CEP20: variants seen among roughly 807,000 people sequenced by gnomAD.
The protein encoded by CEP20 is FGFR1OP N-terminal like.
CEP20 carries 18 observed loss-of-function variants against 20.0 expected under a neutral mutation model. The observed-to-expected ratio is 0.90, with a 90% CI of 0.62 to 1.34. The LOEUF is 1.34. CEP20 is among the 40% of genes most tolerant of loss of function. CEP20 has a pLI of 0.00. For synonymous variants in CEP20, 77 were observed against 73.7 expected (o/e 1.04, Z -0.23); for missense variants, 215 against 201.6 (o/e 1.07, Z -0.40).
At chr16:15,877,279 AC>A (rs1174243073) in intron 3 of CEP20, 1 of 152,396 alleles carries the variant, frequency 6.6e-6, no homozygotes, top group African/African-American at 2.4e-5. Context: ...ACTTCTTAAT[AC>A]TTTCATCTGA....
chr16:15,871,690 T>C (rs35011320), intron 4 of CEP20, among the ~76,000 whole-genome samples: 10,133 of 152,248 alleles, frequency 0.067, 457 homozygotes, highest in East Asian at 0.22. Flanking sequence ...CTTAAAGTTT[T>C]CTCAACTATG....
At chr16:15,883,842 C>T (rs1352377336) in intron 2 of CEP20, among the ~76,000 whole-genome samples, 166 bp downstream of exon 2, 1 of 152,118 alleles carries the variant, frequency 6.6e-6, no homozygotes, top group African/African-American at 2.4e-5. Flanking sequence ...TGTATTTTCT[C>T]TTGTAAGAAT....
In CEP20 at chr16:15,888,595, G is replaced by C; in HGVS notation, c.-10C>G. The C allele has an allele frequency of 3.1e-6, 5 of 1,613,920 alleles. No homozygotes were observed. The highest frequency in any genetic ancestry group is 1.7e-5 in the Admixed American group (1 of 60,024). On this transcript the variant is annotated 5_prime_UTR_variant, in exon 1 of 5. Coordinates refer to ENST00000255759, the MANE Select transcript of CEP20 (RefSeq NM_144600.4). The stretch of plus-strand genomic sequence containing the variant: ...CTGCCACAGTCGCCATTTTTCAACG[G>C]CCGCCAGGGCCGCACCGCGGCCCTG...
chr16:15,887,214 C>G (rs113877300), intron 1 of CEP20, among the ~76,000 whole-genome samples: 1 of 152,102 alleles, frequency 6.6e-6, no homozygotes, highest in African/African-American at 2.4e-5. Flanking sequence ...ACCTTTAAAT[C>G]CTCTGAAAAT....
At chr16:15,879,920 T>C (rs1197412118) in intron 2 of CEP20, 32 bp from the exon 3 acceptor site, 1 of 1,401,774 alleles carries the variant, frequency 7.1e-7, no homozygotes, top group African/African-American at 1.5e-5. Flanking sequence ...GAACACTCAG[T>C]CTATTAAACT....
At chr16:15,876,988 G>C (rs1369861229) in intron 3 of CEP20, among the ~76,000 whole-genome samples, 2 of 151,992 alleles carry the variant, frequency 1.3e-5, no homozygotes, top group Non-Finnish European at 2.9e-5. Context: ...AAGTAGCTGG[G>C]ACTACAGGCA....
intron 4 of CEP20, among the ~76,000 whole-genome samples, chr16:15,869,595 G>A (rs1227032891): frequency 6.6e-6 from 1 of 152,142 alleles, no homozygotes; most frequent in African/African-American, 2.4e-5. Context: ...ACAGGGGTGA[G>A]CTGCCGTGGC....
intron 4 of CEP20, among the ~76,000 whole-genome samples, chr16:15,869,467 C>T (rs190705853): frequency 1.3e-5 from 2 of 152,134 alleles, no homozygotes; most frequent in East Asian, 1.9e-4. Flanking sequence ...TACACCACCA[C>T]GTCCAGCTAA....
intron 2 of CEP20, among the ~76,000 whole-genome samples, chr16:15,881,666 C>G (rs936746691): frequency 2.0e-5 from 3 of 151,964 alleles, no homozygotes; most frequent in African/African-American, 7.3e-5. Flanking sequence ...CCCCACCCCA[C>G]CAAGTCCAGG....
At chr16:15,882,814 T>C (rs1431535782) in intron 2 of CEP20, 3 of 143,082 alleles carry the variant, frequency 2.1e-5, no homozygotes, top group Non-Finnish European at 3.1e-5. Context: ...AATAGACATA[T>C]ATCTACATAT....
At position 15,882,738 on chromosome 16, in the gene CEP20, T is replaced by TCTATCTATCTAC. The variant is rs1174406640; in HGVS notation, c.226+1269_226+1270insGTAGATAGATAG. Among the ~76,000 whole-genome samples the TCTATCTATCTAC allele has an allele frequency of 1.7e-3, 159 of 92,144 alleles. 1 individual carries two copies. The highest frequency in any genetic ancestry group is 0.012 in the Middle Eastern group (2 of 170). The allele number at this position is 92,144 out of a possible 152,430, so 60.5% of individuals were successfully genotyped here. A position where few individuals can be genotyped will look rare whatever the true frequency, so the allele number is the denominator to read the frequency against. On this transcript the variant is annotated intron_variant, in intron 2 of 4. Transcript: ENST00000255759. ...CAAAGTTTTATCTCCATTATATCTA[T>TCTATCTATCTAC]CTATCTATCTATCTATCTATCTATC...
Position 15,873,379 on chromosome 16 carries a change from T to A in CEP20, c.448+112A>T, listed in dbSNP as rs8056910. ...TAACATAGGCTAGACATATTAGATA[T>A]AAGCAGAATTAAACTATGACTCAAA... is the stretch of plus-strand genomic sequence containing the variant. On this transcript the variant is annotated intron_variant, in intron 4 of 4. Coordinates refer to ENST00000255759, the MANE Select transcript of CEP20 (RefSeq NM_144600.4). 3.2e-6 allele frequency: 4 copies of A among 1,257,728 alleles called. No individual in the cohort carries two copies. The South Asian group carries it at 4.9e-5, about 16-fold the overall frequency. The allele number at this position is 1,257,728 out of a possible 1,614,324, so 77.9% of individuals were successfully genotyped here.
Position 15,869,714 on chromosome 16 carries a change from T to C in CEP20, c.449-2198A>G, listed in dbSNP as rs139401149. On this transcript the variant is annotated intron_variant, in intron 4 of 4. Coordinates refer to ENST00000255759, the MANE Select transcript of CEP20 (RefSeq NM_144600.4). ...GTGCTGTGATGTAGAATAAGGATTTTAGTATCTTCATAACCTTTTCAATGC... is the reference window on the plus strand; with the variant it reads ...GTGCTGTGATGTAGAATAAGGATTTCAGTATCTTCATAACCTTTTCAATGC... Among the ~76,000 whole-genome samples the C allele has an allele frequency of 5.8e-3, 878 of 152,260 alleles. 10 individuals are homozygous for C. Among genetic ancestry groups the C allele is most frequent in the African/African-American group, 0.02 (843 of 41,536 alleles).
rs538853674 is a variant in CEP20, at chr16:15,875,456, G to T, written c.312-1829C>A. On this transcript the variant is annotated intron_variant, in intron 3 of 4. Transcript: ENST00000255759. ...CTCAAACAGGAGTTTGAGACAGCCT[G>T]AACAACATAGCGAGTCCCCTAGCTC... 3.3e-5 allele frequency among the ~76,000 whole-genome samples: 5 copies of T among 152,118 alleles called. No homozygotes were observed. The East Asian group carries it at 9.7e-4, about 30-fold the overall frequency.
At chr16:15,875,928 G>A (rs1338005720) in intron 3 of CEP20, among the ~76,000 whole-genome samples, 7 of 151,540 alleles carry the variant, frequency 4.6e-5, no homozygotes, top group South Asian at 2.1e-4. Flanking sequence ...GAGAAACCCC[G>A]TATCTACTAA....
chr16:15,866,417 G>A lies in CEP20; in HGVS notation c.*1023C>T, dbSNP rs1238512666. ...TATACCATCGAACTTTTGCCAATCA[G>A]GAGCTGTCTATCATCATAGTCAGTT... On this transcript the variant is annotated 3_prime_UTR_variant, in exon 5 of 5. Coordinates refer to ENST00000255759, the MANE Select transcript of CEP20 (RefSeq NM_144600.4). 6.6e-6 allele frequency: 1 copy of A among 152,172 alleles called. No homozygotes were observed. Among genetic ancestry groups the A allele is most frequent in the Non-Finnish European group, 1.5e-5 (1 of 68,028 alleles). 9.4% of individuals were successfully genotyped at this position (152,172 alleles called of 1,614,324 possible). A position where few individuals can be genotyped will look rare whatever the true frequency, so the allele number is the denominator to read the frequency against.
chr16:15,867,798 C>A (rs1221716404), intron 4 of CEP20, among the ~76,000 whole-genome samples: 2 of 151,816 alleles, frequency 1.3e-5, no homozygotes, highest in East Asian at 3.9e-4. Flanking sequence ...CATGGTGAAA[C>A]CCCGTGTCTC....
At chr16:15,869,128 T>C (rs1481989776) in intron 4 of CEP20, among the ~76,000 whole-genome samples, 1 of 151,174 alleles carries the variant, frequency 6.6e-6, no homozygotes, top group African/African-American at 2.4e-5. Flanking sequence ...TAAAGTTGAA[T>C]AGCAAAAACT....
intron 4 of CEP20, 125 bp from the exon 5 acceptor site, chr16:15,867,641 G>T: frequency 1.7e-6 from 1 of 593,236 alleles, no homozygotes; most frequent in Non-Finnish European, 2.8e-6. Flanking sequence ...AGATGGTTTA[G>T]GACAATGAAA....
Sources: gnomAD v4.1 joint callset for allele counts (sites outside exome capture counted in the v4.1 genomes callset) on GRCh38, gnomAD v4.1.1 for gene constraint, MANE v1.5 for transcripts, NCBI Gene and HGNC (gene_info 2026-07-23, HGNC 2026-07-21) for gene names.